The following COL4A4 variants were observed in gnomAD, a reference collection of about 807,000 sequenced individuals.
COL4A4 encodes the protein collagen alpha-4(IV) chain.
COL4A4 carries 105 observed loss-of-function variants against 192.9 expected under a neutral mutation model. The observed-to-expected ratio is 0.54, with a 90% CI of 0.46 to 0.64. COL4A4 has a LOEUF of 0.64. Among genes scored for constraint, COL4A4 ranks in the 30% least tolerant of loss-of-function variants. The pLI is 0.00. For missense variants in COL4A4, 1,967 were observed against 2,169.3 expected (o/e 0.91, Z 1.85); for synonymous variants, 762 against 769.9 (o/e 0.99, Z 0.17).
At chr2:227,064,646 G>GT (rs759305382) in intron 25 of COL4A4, among the ~76,000 whole-genome samples, 5 of 152,152 alleles carry the variant, frequency 3.3e-5, no homozygotes, top group African/African-American at 7.2e-5. Flanking sequence ...AATGCATCAG[G>GT]TAACTTATAA....
the COL4A4 span, among the ~76,000 whole-genome samples, chr2:226,973,694 G>C: frequency 6.6e-6 from 1 of 152,170 alleles, no homozygotes; most frequent in Non-Finnish European, 1.5e-5. Context: ...ATTCTTGGAA[G>C]CAGCAAGCAT....
chr2:227,117,288 C>T (rs1242213931), intron 7 of COL4A4, among the ~76,000 whole-genome samples: 1 of 152,112 alleles, frequency 6.6e-6, no homozygotes, highest in Non-Finnish European at 1.5e-5. Flanking sequence ...AACTGAGAAC[C>T]CTTGCTCTCT....
intron 25 of COL4A4, among the ~76,000 whole-genome samples, chr2:227,067,475 T>A (rs1262843942): frequency 6.6e-6 from 1 of 151,994 alleles, no homozygotes; most frequent in East Asian, 1.9e-4. Flanking sequence ...AAGTAAAGCA[T>A]TCCTCAGCAA....
At chr2:227,034,289 AGTT>A (rs1205202820) in intron 37 of COL4A4, among the ~76,000 whole-genome samples, 2 of 152,174 alleles carry the variant, frequency 1.3e-5, no homozygotes, top group African/African-American at 4.8e-5. Context: ...GTTGTGTTGA[AGTT>A]GTCTGAACGA....
At chr2:227,143,633 T>G (rs2063362813) in intron 3 of COL4A4, among the ~76,000 whole-genome samples, 1 of 152,152 alleles carries the variant, frequency 6.6e-6, no homozygotes, top group Admixed American at 6.5e-5. Context: ...GGAAAAAGAA[T>G]ATAACACAAA....
At chr2:226,997,455 G>A in the COL4A4 span, 1 of 152,268 alleles carries the variant, frequency 6.6e-6, no homozygotes, top group East Asian at 1.9e-4. Flanking sequence ...AACATGGATT[G>A]TGAATGACTC....
At chr2:226,999,323 G>C (rs537779874), downstream of COL4A4, 15 of 151,938 alleles carry the variant, frequency 9.9e-5, no homozygotes, top group Non-Finnish European at 2.2e-4. Flanking sequence ...ATCAAGGAAA[G>C]AATGATGGAA....
chr2:227,153,589 A>T (rs2125464561), intron 1 of COL4A4, among the ~76,000 whole-genome samples: 1 of 152,312 alleles, frequency 6.6e-6, no homozygotes, highest in East Asian at 1.9e-4. Context: ...CTCTGGGATG[A>T]GGATAGTACA....
intron 25 of COL4A4, among the ~76,000 whole-genome samples, chr2:227,077,181 C>T (rs191318465): frequency 6.6e-6 from 1 of 152,080 alleles, no homozygotes; most frequent in Admixed American, 6.6e-5. Flanking sequence ...TATAAAGACA[C>T]ATGTAAACAT....
chr2:227,051,616 G>T (rs1974112681), intron 32 of COL4A4, among the ~76,000 whole-genome samples: 1 of 152,186 alleles, frequency 6.6e-6, no homozygotes. Context: ...AGGATACCTG[G>T]CTGCCCCAGA....
At chr2:227,161,017 T>G (rs531196563) in intron 1 of COL4A4, among the ~76,000 whole-genome samples, 3 of 152,136 alleles carry the variant, frequency 2.0e-5, no homozygotes, top group African/African-American at 7.2e-5. Context: ...GCATAAGAGG[T>G]GTATCTTGTA....
intron 3 of COL4A4, among the ~76,000 whole-genome samples, chr2:227,141,928 T>C (rs1332837647): frequency 2.0e-5 from 3 of 151,954 alleles, no homozygotes; most frequent in Admixed American, 2.0e-4. Flanking sequence ...TTCGCTGAAA[T>C]ATCAAAACAA....
At chr2:226,981,569 T>TACACACACACACAC in the COL4A4 span, among the ~76,000 whole-genome samples, 801 of 150,270 alleles carry the variant, frequency 5.3e-3, 8 homozygotes, top group African/African-American at 0.019. Context: ...TGCACACACA[T>TACACACACACACAC]ACACACACAC....
chr2:227,008,364 C>A, intron 46 of COL4A4, 60 bp from the exon 47 acceptor site: 1 of 1,567,084 alleles, frequency 6.4e-7, no homozygotes, highest in Non-Finnish European at 8.8e-7. Context: ...GTTCCCAGAC[C>A]CTTCCTTCCT....
intron 29 of COL4A4, 73 bp from the exon 30 acceptor site, chr2:227,056,188 A>G (rs903263944): frequency 7.3e-5 from 98 of 1,336,912 alleles, no homozygotes; most frequent in Admixed American, 1.2e-4. Context: ...AAAAATATAC[A>G]GTAGCTTAAA....
chr2:227,105,994 A>G (rs1251297208), intron 12 of COL4A4, among the ~76,000 whole-genome samples: 1 of 152,024 alleles, frequency 6.6e-6, no homozygotes, highest in African/African-American at 2.4e-5. Flanking sequence ...CATTACTAAA[A>G]CTACTAATGC....
the COL4A4 span, among the ~76,000 whole-genome samples, chr2:226,993,906 G>A: frequency 6.6e-6 from 1 of 152,172 alleles, no homozygotes; most frequent in Non-Finnish European, 1.5e-5. Context: ...ACACATCTTT[G>A]AAAAGGTGCC....
intron 37 of COL4A4, among the ~76,000 whole-genome samples, chr2:227,041,834 A>AAGAGAG: frequency 2.4e-5 from 1 of 41,862 alleles, no homozygotes; most frequent in Admixed American, 2.7e-4. Context: ...GAAAGAAAGA[A>AAGAGAG]AGAAAGAAAG....
chr2:227,051,918 C>T (rs1379866503), intron 32 of COL4A4, among the ~76,000 whole-genome samples: 1 of 152,124 alleles, frequency 6.6e-6, no homozygotes, highest in Non-Finnish European at 1.5e-5. Context: ...CCTTTTCTCA[C>T]AGTGGTTCAC....
Sources: allele counts gnomAD v4.1 joint callset (sites outside exome capture counted in the v4.1 genomes callset), GRCh38; gene constraint gnomAD v4.1.1; transcripts MANE v1.5; gene names NCBI Gene and HGNC (gene_info 2026-07-23, HGNC 2026-07-21).